TPR: variants seen among roughly 807,000 people sequenced by gnomAD.
TPR encodes nucleoprotein TPR.
TPR carries 51 observed loss-of-function variants against 316.1 expected under a neutral mutation model. The observed-to-expected ratio is 0.16, with a 90% CI of 0.13 to 0.20. The LOEUF is 0.20. Among genes scored for constraint, TPR ranks in the 10% least tolerant of loss-of-function variants. The pLI is 1.00. For synonymous variants in TPR, 981 were observed against 914.7 expected (o/e 1.07, Z -1.31); for missense variants, 2,272 against 2,754.8 (o/e 0.82, Z 3.92).
In TPR at chr1:186,331,331, T is replaced by A. The variant is rs146743472; in HGVS notation, c.5688+167A>T. On this transcript the variant is annotated intron_variant, in intron 39 of 50. Coordinates refer to ENST00000367478, the MANE Select transcript of TPR (RefSeq NM_003292.3). ...TTTAGAAGGCAGTACACTATACTCA[T>A]AGGAGTAAAAGAAAGCAGACTCTGC... is the stretch of plus-strand genomic sequence containing the variant. Among the ~76,000 whole-genome samples the A allele has an allele frequency of 5.3e-4, 81 of 151,952 alleles. 1 individual carries two copies. Among genetic ancestry groups the A allele is most frequent in the Non-Finnish European group, 8.7e-4 (59 of 67,946 alleles).
chr1:186,352,609 C>T (rs1658897016), intron 18 of TPR, among the ~76,000 whole-genome samples: 5 of 152,180 alleles, frequency 3.3e-5, no homozygotes, highest in Admixed American at 6.5e-5. Flanking sequence ...CTCATATTTA[C>T]ACACAAGTAC....
At position 186,313,918 on chromosome 1, in the gene TPR, C is replaced by T; in HGVS notation, c.*53G>A. 2 of 1,578,780 alleles carry T rather than the reference C, an allele frequency of 1.3e-6. No individual in the cohort carries two copies. The highest frequency in any genetic ancestry group is 1.7e-6 in the Non-Finnish European group (2 of 1,149,732). ...ATGTTTTTAAACTTGACAATCATTA[C>T]ACTAAAACAGATTTGATAATCTTAT... On this transcript the variant is annotated 3_prime_UTR_variant, in exon 51 of 51. Coordinates refer to ENST00000367478, the MANE Select transcript of TPR (RefSeq NM_003292.3).
intron 35 of TPR, among the ~76,000 whole-genome samples, chr1:186,334,863 T>C (rs2102067079): frequency 6.6e-6 from 1 of 152,274 alleles, no homozygotes. Context: ...ACGTTTTCTC[T>C]GTCACAAAGC....
In TPR at chr1:186,320,304, C is replaced by T. The variant is rs777494043; in HGVS notation, c.6568+8G>A. The T allele has an allele frequency of 1.2e-5, 20 of 1,601,870 alleles. No homozygotes were observed. The highest frequency in any genetic ancestry group is 1.7e-5 in the Non-Finnish European group (20 of 1,173,376). On this transcript the variant is annotated splice_region_variant and intron_variant, in intron 46 of 50. Transcript: ENST00000367478. ...AAATTCAGGGGATCTAAAGGTTTAA[C>T]TATTTACCTCCTTGAGAAGCAAGCT...
chr1:186,315,842 G>C (rs532404730), intron 49 of TPR, among the ~76,000 whole-genome samples: 1 of 148,406 alleles, frequency 6.7e-6, no homozygotes, highest in Non-Finnish European at 1.5e-5. Flanking sequence ...CTGCCTTATG[G>C]ACTTGGCATC....
Position 186,335,113 on chromosome 1 carries a change from C to G in TPR, c.4928G>C (p.Arg1643Thr). 1 of 1,612,830 alleles carries G rather than the reference C, an allele frequency of 6.2e-7. No homozygotes were observed. Among genetic ancestry groups the G allele is most frequent in the Non-Finnish European group, 8.5e-7 (1 of 1,179,402 alleles). The change falls in exon 35 of 51, where the codon AGA becomes ACA. Residue 1643 changes from arginine (R) to threonine (T), a missense_variant. Arg to Thr is a moderately conservative substitution (Grantham distance 71). Around this residue, in one of 10 missense-constraint regions of TPR, gnomAD observed 109 missense variants for 215.3 expected, o/e 0.51. Coordinates refer to ENST00000367478, the MANE Select transcript of TPR (RefSeq NM_003292.3). ...EPSNKVPEQQ[R>T]QITLKTTPAS... ...TGGAGTTGTTTTCAATGTGATCTGT[C>G]TCTGCTGTTCAGGGACCTATAAAGA...
At chr1:186,315,217 C>CA (rs1204501907) in intron 49 of TPR, among the ~76,000 whole-genome samples, 9 of 129,956 alleles carry the variant, frequency 6.9e-5, no homozygotes, top group African/African-American at 2.7e-4. Context: ...AAAAAAAAAA[C>CA]AAACAAACAA....
chr1:186,337,044 G>A lies in TPR; in HGVS notation c.4475C>T (p.Ser1492Leu). ...TLNQAETKSK[S>L]LESQVENLQK... is the part of the protein sequence containing the mutation. ...CAGATTCTCTACTTGACTTTCAAGTGATTTTGATTTTGTTTCAGCTTGGTT... is the reference window on the plus strand; with the variant it reads ...CAGATTCTCTACTTGACTTTCAAGTAATTTTGATTTTGTTTCAGCTTGGTT... Residue 1492 changes from serine to leucine, a missense_variant, in exon 32 of 51, where the codon TCA (serine) becomes TTA (leucine). Physicochemically the swap from Ser to Leu is moderately radical, Grantham distance 145 (BLOSUM62 -2). Around this residue, in one of 10 missense-constraint regions of TPR, gnomAD observed 101 missense variants for 113.0 expected, o/e 0.89. Transcript: ENST00000367478. 1 of 1,613,856 alleles carries A rather than the reference G, an allele frequency of 6.2e-7. No individual in the cohort carries two copies.
intron 15 of TPR, among the ~76,000 whole-genome samples, 158 bp downstream of exon 15, chr1:186,356,128 A>G (rs1048212352): frequency 6.6e-6 from 1 of 152,232 alleles, no homozygotes; most frequent in Non-Finnish European, 1.5e-5. Context: ...ACATAAAATA[A>G]TGGTATGTTT....
Position 186,323,687 on chromosome 1 carries a change from T to C in TPR, c.6296A>G (p.Gln2099Arg). 6.7e-7 allele frequency: 1 copy of C among 1,489,758 alleles called. No individual in the cohort carries two copies. The highest frequency in any genetic ancestry group is 2.7e-5 in the East Asian group (1 of 36,800). The allele number at this position is 1,489,758 out of a possible 1,614,324, so 92.3% of individuals were successfully genotyped here. A position where few individuals can be genotyped will look rare whatever the true frequency, so the allele number is the denominator to read the frequency against. ...CATAATGACCAGTACTTTTAATACC[T>C]GAACTGGTGGTCCCAACTCCTGAGG... is the stretch of plus-strand genomic sequence containing the variant. ...APPQELGPPV[Q>R]RIQMTRRQSV... The change falls in exon 43 of 51, where the codon CAG (glutamine) becomes CGG (arginine). Residue 2099 changes from glutamine (Q) to arginine (R), a missense_variant and splice_region_variant. Coordinates refer to ENST00000367478, the MANE Select transcript of TPR (RefSeq NM_003292.3).
In TPR at chr1:186,345,620, A is replaced by G. The variant is rs1363148907; in HGVS notation, c.3173T>C (p.Leu1058Ser). Residue 1058 changes from leucine (L) to serine (S), a missense_variant, in exon 24 of 51, where the codon TTA (leucine) becomes TCA (serine). Coordinates refer to ENST00000367478, the MANE Select transcript of TPR (RefSeq NM_003292.3). ...QEALQRASTA[L>S]SNEQQARRDC... ...ACGTCTGGCTTGCTGCTCATTACTTAAAGCTGTGCTTGCTCTCTGAAGAGC... is the reference window on the plus strand; with the variant it reads ...ACGTCTGGCTTGCTGCTCATTACTTGAAGCTGTGCTTGCTCTCTGAAGAGC... 1 of 1,613,516 alleles carries G rather than the reference A, an allele frequency of 6.2e-7. No individual in the cohort carries two copies. The highest frequency in any genetic ancestry group is 8.5e-7 in the Non-Finnish European group (1 of 1,179,802).
rs1004289319 is a variant in TPR at position 186,322,674 on chromosome 1, G to A, written c.6298-88C>T. The stretch of plus-strand genomic sequence containing the variant: ...AATATCAACAGATACAGCTTATTAC[G>A]CTGCCAACAAAATAGTTAGCAGACA... On this transcript the variant is annotated intron_variant, in intron 43 of 50. Transcript: ENST00000367478. The A allele has an allele frequency of 4.6e-5, 60 of 1,309,064 alleles. No homozygotes were observed. The Admixed American group carries it at 5.3e-4, about 12-fold the overall frequency. 81.1% of individuals were successfully genotyped at this position (1,309,064 alleles called of 1,614,324 possible). A position where few individuals can be genotyped will look rare whatever the true frequency, so the allele number is the denominator to read the frequency against.
At chr1:186,359,659 G>T in intron 12 of TPR, 140 bp downstream of exon 12, 1 of 807,226 alleles carries the variant, frequency 1.2e-6, no homozygotes, top group Non-Finnish European at 1.9e-6. Flanking sequence ...GATCAGCAGT[G>T]TTTAATAAGT....
chr1:186,364,484 G>A (rs1449141181), intron 4 of TPR, among the ~76,000 whole-genome samples: 2 of 152,040 alleles, frequency 1.3e-5, no homozygotes, highest in African/African-American at 2.4e-5. Flanking sequence ...TTCCTATCTC[G>A]CATTGAAAAT....
At chr1:186,328,136 C>A (rs1795004) in intron 39 of TPR, among the ~76,000 whole-genome samples, 11,676 of 151,938 alleles carry the variant, frequency 0.077, 484 homozygotes, top group South Asian at 0.097. Flanking sequence ...AGAAGATGAA[C>A]CTTTGAGTTT....
chr1:186,321,553 A>T (rs1246968522), intron 45 of TPR, among the ~76,000 whole-genome samples: 1 of 152,208 alleles, frequency 6.6e-6, no homozygotes, highest in Non-Finnish European at 1.5e-5. Context: ...TAAGATGACA[A>T]CATTAATAAT....
At chr1:186,327,713 A>T (rs1658044396) in intron 39 of TPR, 53 bp from the exon 40 acceptor site, 1 of 1,468,498 alleles carries the variant, frequency 6.8e-7, no homozygotes, top group East Asian at 2.3e-5. Flanking sequence ...AACATACCTA[A>T]AACTATATGT....
chr1:186,339,744 T>A lies in TPR; in HGVS notation c.4049A>T (p.Asp1350Val). 6.2e-7 allele frequency: 1 copy of A among 1,602,242 alleles called. No homozygotes were observed. The highest frequency in any genetic ancestry group is 8.5e-7 in the Non-Finnish European group (1 of 1,175,226). The change falls in exon 30 of 51, where the codon GAT becomes GTT. Residue 1350 changes from aspartate (D) to valine (V), a missense_variant. Around this residue, in one of 10 missense-constraint regions of TPR, gnomAD observed 96 missense variants for 134.6 expected, o/e 0.71. Coordinates refer to ENST00000367478, the MANE Select transcript of TPR (RefSeq NM_003292.3). ...AAGGAGCTTCCGATATTCTTCTGTA[T>A]CTGGATCTTTCTGTTGACTTACTAG... ...QHLVSQQKDPDTEEYRKLLSE... is the reference protein window; with the variant it reads ...QHLVSQQKDPVTEEYRKLLSE...
chr1:186,363,481 A>G, intron 4 of TPR, 36 bp from the exon 5 acceptor site: 1 of 1,385,232 alleles, frequency 7.2e-7, no homozygotes, highest in Non-Finnish European at 1.0e-6. Context: ...ATAATAACTA[A>G]TTAACACTCA....
Sources: gnomAD v4.1 joint callset for allele counts (sites outside exome capture counted in the v4.1 genomes callset) on GRCh38, gnomAD v4.1.1 for gene constraint, gnomAD v4.1.1 regional missense constraint, MANE v1.5 for transcripts, NCBI Gene and HGNC (gene_info 2026-07-23, HGNC 2026-07-21) for gene names.